Variants in FRAS1 observed in about 807,000 individuals in gnomAD.
FRAS1 encodes extracellular matrix organizing protein FRAS1.
A neutral mutation model predicts 435.2 loss-of-function variants in FRAS1; 290 were observed. The ratio of observed to expected loss-of-function variants is 0.67; its 90% CI spans 0.61 to 0.73. FRAS1 has a LOEUF of 0.73. Ranked by LOEUF, FRAS1 falls within the 30% of genes least tolerant of loss-of-function variation. The pLI is 0.00. For synonymous variants in FRAS1, 1,800 were observed against 1,851.0 expected (o/e 0.97, Z 0.71); for missense variants, 4,860 against 5,001.5 (o/e 0.97, Z 0.85).
intron 2 of FRAS1, among the ~76,000 whole-genome samples, chr4:78,203,898 C>G (rs1347038518): frequency 1.3e-5 from 2 of 152,160 alleles, no homozygotes; most frequent in Non-Finnish European, 2.9e-5. Context: ...AACAAGTGCC[C>G]TTTCTGTGGT....
intron 2 of FRAS1, among the ~76,000 whole-genome samples, chr4:78,115,753 A>C (rs1743120401): frequency 2.0e-5 from 3 of 151,588 alleles, no homozygotes; most frequent in African/African-American, 7.3e-5. Context: ...GTGGTCTATC[A>C]ATTTTGTTGA....
intron 16 of FRAS1, among the ~76,000 whole-genome samples, chr4:78,316,309 T>C (rs964661507): frequency 6.6e-6 from 1 of 152,204 alleles, no homozygotes; most frequent in Non-Finnish European, 1.5e-5. Context: ...CACAGGTAAC[T>C]CTGAGAACTT....
At chr4:78,482,056 T>C (rs2109859651) in intron 57 of FRAS1, 92 bp downstream of exon 57, 2 of 1,269,670 alleles carry the variant, frequency 1.6e-6, no homozygotes, top group Non-Finnish European at 1.1e-6. Context: ...TAAACTCCCC[T>C]GGCGATATTC....
At chr4:78,239,156 A>G (rs1242542976) in intron 3 of FRAS1, among the ~76,000 whole-genome samples, 1 of 152,156 alleles carries the variant, frequency 6.6e-6, no homozygotes, top group East Asian at 1.9e-4. Context: ...AAAGTCTCCC[A>G]TCTTTGTTAT....
At chr4:78,129,106 C>G (rs752986718) in intron 2 of FRAS1, among the ~76,000 whole-genome samples, 1 of 152,118 alleles carries the variant, frequency 6.6e-6, no homozygotes, top group Non-Finnish European at 1.5e-5. Context: ...TCTATTCCAT[C>G]GGTCTATATC....
intron 10 of FRAS1, among the ~76,000 whole-genome samples, chr4:78,279,062 G>A (rs1000168642): frequency 3.9e-5 from 6 of 152,210 alleles, no homozygotes; most frequent in African/African-American, 1.4e-4. Flanking sequence ...TAGCTGCACA[G>A]GATGGTGGGG....
intron 2 of FRAS1, among the ~76,000 whole-genome samples, chr4:78,203,381 C>A (rs9993374): frequency 0.96 from 145,842 of 152,132 alleles, 70,197 homozygotes; most frequent in East Asian, 1. Flanking sequence ...TTTACCTACT[C>A]AACTAAAATT....
intron 61 of FRAS1, among the ~76,000 whole-genome samples, chr4:78,505,763 G>C (rs1385901521): frequency 6.6e-6 from 1 of 152,052 alleles, no homozygotes; most frequent in African/African-American, 2.4e-5. Context: ...ATCCATCTTT[G>C]TTCCGTTGCT....
chr4:78,188,143 T>C (rs1266696188), intron 2 of FRAS1, among the ~76,000 whole-genome samples: 1 of 152,176 alleles, frequency 6.6e-6, no homozygotes, highest in Non-Finnish European at 1.5e-5. Flanking sequence ...TTTCTTTCTA[T>C]GGAAACAAAT....
At chr4:78,269,041 C>G (rs1726516271) in intron 9 of FRAS1, among the ~76,000 whole-genome samples, 1 of 152,206 alleles carries the variant, frequency 6.6e-6, no homozygotes, top group African/African-American at 2.4e-5. Flanking sequence ...GGGTTCTAAA[C>G]TAGAAACTCT....
In FRAS1 at chr4:78,306,151, G is replaced by A. The variant is rs947953904; in HGVS notation, c.1535-1915G>A. Among the ~76,000 whole-genome samples, 30 of 151,922 alleles carry A rather than the reference G, an allele frequency of 2.0e-4. 1 individual carries two copies. The highest frequency in any genetic ancestry group is 3.4e-4 in the Non-Finnish European group (23 of 67,994). Reference sequence around the variant, plus strand: ...TAGTTTGGCTAGATATGAAATTCTGGGTTGAAAATTCTTTTCTTTAAGAAT... The same window carrying A: ...TAGTTTGGCTAGATATGAAATTCTGAGTTGAAAATTCTTTTCTTTAAGAAT... On this transcript the variant is annotated intron_variant, in intron 14 of 73. Coordinates refer to ENST00000512123, the MANE Select transcript of FRAS1 (RefSeq NM_025074.7).
At chr4:78,518,422 GTATATATATATA>G (rs71216219) in intron 66 of FRAS1, among the ~76,000 whole-genome samples, 34,236 of 135,702 alleles carry the variant, frequency 0.25, 5,003 homozygotes, top group South Asian at 0.52. Context: ...TTTTTGTTGT[GTATATATATATA>G]TATATATATA....
chr4:78,521,617 T>C lies in FRAS1; in HGVS notation c.10635T>C (p.His3545=). Residue 3545 remains histidine, a synonymous_variant, in exon 68 of 74, where the codon CAT becomes CAC. Transcript: ENST00000512123. ...DGRLVIEFKT[H]AKFRGQFVME... Reference sequence around the variant, plus strand: ...GTCTTGTCATTGAATTCAAGACCCATGCCAAATTCAGAGGTAATATCAATG... The same window carrying C: ...GTCTTGTCATTGAATTCAAGACCCACGCCAAATTCAGAGGTAATATCAATG... 1 of 1,605,986 alleles carries C rather than the reference T, an allele frequency of 6.2e-7. No individual in the cohort carries two copies.
rs551308144 is a variant in FRAS1, at chr4:78,170,834, C to T, written c.109-66676C>T. ...TAGCTTCATGTCACGGGTGGCCCCA[C>T]AGTCACACTGCATCCTCAGGTGAAA... On this transcript the variant is annotated intron_variant, in intron 2 of 73. Transcript: ENST00000512123. Among the ~76,000 whole-genome samples the T allele has an allele frequency of 4.6e-5, 7 of 152,176 alleles. No homozygotes were observed. In the South Asian group the frequency reaches 1.5e-3, roughly 32 times the overall value.
chr4:78,237,559 G>C lies in FRAS1; in HGVS notation c.158G>C (p.Gly53Ala). 6.2e-7 allele frequency: 1 copy of C among 1,613,292 alleles called. No homozygotes were observed. Among genetic ancestry groups the C allele is most frequent in the African/African-American group, 1.3e-5 (1 of 75,014 alleles). ...TCATGCCAGAGCTGCCGTTGCCATG[G>C]TGATATTGTTATCTGCAAACCTGCT... Reference protein sequence around the residue: ...PDSCQSCRCHGDIVICKPAVC... With the variant: ...PDSCQSCRCHADIVICKPAVC... Residue 53 changes from glycine (G) to alanine (A), a missense_variant, in exon 3 of 74, where the codon GGT becomes GCT. Gly to Ala is a moderately conservative substitution (Grantham distance 60). Coordinates refer to ENST00000512123, the MANE Select transcript of FRAS1 (RefSeq NM_025074.7).
chr4:78,275,946 G>A (rs1268349415), intron 9 of FRAS1, among the ~76,000 whole-genome samples: 3 of 152,118 alleles, frequency 2.0e-5, no homozygotes, highest in Non-Finnish European at 4.4e-5. Context: ...TCACTTTTAG[G>A]TACACCAATC....
At chr4:78,070,219 A>G (rs1481601019) in intron 2 of FRAS1, among the ~76,000 whole-genome samples, 1 of 146,192 alleles carries the variant, frequency 6.8e-6, no homozygotes, top group Non-Finnish European at 1.5e-5. Flanking sequence ...ATTATGTACT[A>G]TATATGTTTA....
chr4:78,433,177 G>A (rs1168267384), intron 38 of FRAS1, among the ~76,000 whole-genome samples: 2 of 152,212 alleles, frequency 1.3e-5, no homozygotes, highest in African/African-American at 2.4e-5. Context: ...TCAAGGACTA[G>A]AGTTTGTTTC....
Position 78,337,689 on chromosome 4 carries a change from G to A in FRAS1, c.2294G>A (p.Cys765Tyr). The A allele has an allele frequency of 6.2e-7, 1 of 1,613,122 alleles. No homozygotes were observed. Among genetic ancestry groups the A allele is most frequent in the Non-Finnish European group, 8.5e-7 (1 of 1,179,164 alleles). Residue 765 changes from cysteine to tyrosine, a missense_variant, in exon 20 of 74, where the codon TGC becomes TAC. Coordinates refer to ENST00000512123, the MANE Select transcript of FRAS1 (RefSeq NM_025074.7). ...EGSCTECHPT[C>Y]RQCHGPLESD... ...CCCCTGCCAGAGTGTCACCCAACCTGCAGGCAGTGTCATGGGCCGTTGGAG... is the reference window on the plus strand; with the variant it reads ...CCCCTGCCAGAGTGTCACCCAACCTACAGGCAGTGTCATGGGCCGTTGGAG...
Sources: gnomAD v4.1 joint callset for allele counts (sites outside exome capture counted in the v4.1 genomes callset) on GRCh38, gnomAD v4.1.1 for gene constraint, MANE v1.5 for transcripts, NCBI Gene and HGNC (gene_info 2026-07-23, HGNC 2026-07-21) for gene names.